The following NFX1 variants were observed in gnomAD, a reference collection of about 807,000 sequenced individuals.
NFX1 encodes the protein transcriptional repressor NF-X1.
NFX1 carries 69 observed loss-of-function variants against 137.2 expected under a neutral mutation model. The ratio of observed to expected loss-of-function variants is 0.50; its 90% CI spans 0.41 to 0.61. NFX1 has a LOEUF of 0.61. Ranked by LOEUF, NFX1 falls within the 20% of genes least tolerant of loss-of-function variation. The probability of loss-of-function intolerance (pLI) is 0.00; values close to 1 mark genes in which losing one functional copy is unlikely to be tolerated. For synonymous variants in NFX1, 495 were observed against 474.1 expected (o/e 1.04, Z -0.57); for missense variants, 1,167 against 1,391.0 (o/e 0.84, Z 2.56).
At chr9:33,358,870 T>G (rs1227054194) in intron 19 of NFX1, among the ~76,000 whole-genome samples, 2 of 150,048 alleles carry the variant, frequency 1.3e-5, no homozygotes, top group East Asian at 2.0e-4. Flanking sequence ...ATTTTTTTGT[T>G]TTTTTTTTGG....
At chr9:33,356,713 G>A (rs1008727627) in intron 19 of NFX1, among the ~76,000 whole-genome samples, 11 of 152,004 alleles carry the variant, frequency 7.2e-5, no homozygotes, top group African/African-American at 2.4e-4. Context: ...TTTTTTCCAC[G>A]TGAATATCCA....
At chr9:33,339,323 A>G (rs980613204) in intron 12 of NFX1, among the ~76,000 whole-genome samples, 3 of 152,208 alleles carry the variant, frequency 2.0e-5, no homozygotes, top group African/African-American at 7.2e-5. Context: ...GTCACTTCTC[A>G]CATGGATAGC....
intron 19 of NFX1, among the ~76,000 whole-genome samples, chr9:33,361,827 T>G (rs369847725): frequency 1.6e-4 from 23 of 147,232 alleles, no homozygotes; most frequent in Non-Finnish European, 3.3e-4. Context: ...AGAGAAACGT[T>G]ATAGTGAAAA....
rs770342678 is a variant in NFX1 at position 33,352,716 on chromosome 9, A to G, written c.2726A>G (p.Gln909Arg). The change falls in exon 17 of 24, where the codon CAA (glutamine) becomes CGA (arginine). Residue 909 changes from glutamine (Q) to arginine (R), a missense_variant. By Grantham distance (43) the Gln-to-Arg change is conservative. Around this residue, in one of 3 missense-constraint regions of NFX1, gnomAD observed 312 missense variants for 312.8 expected, o/e 1.00. Transcript: ENST00000379540. Reference sequence around the variant, plus strand: ...TGCTCTGAAGCATCTAGTACTTATCAAAGGTTAGTGTTACTTAAATGTTAA... The same window carrying G: ...TGCTCTGAAGCATCTAGTACTTATCGAAGGTTAGTGTTACTTAAATGTTAA... ...VICSEASSTY[Q>R]RIAAISMASK... is the part of the protein sequence containing the mutation. 2 of 1,613,320 alleles carry G rather than the reference A, an allele frequency of 1.2e-6. No homozygotes were observed. Among genetic ancestry groups the G allele is most frequent in the African/African-American group, 1.3e-5 (1 of 75,036 alleles).
chr9:33,367,618 A>G lies in NFX1; in HGVS notation c.3289A>G (p.Lys1097Glu). Residue 1097 changes from lysine to glutamate, a missense_variant and splice_region_variant, in exon 23 of 24, where the codon AAG (lysine) becomes GAG (glutamate). Physicochemically the swap from Lys to Glu is moderately conservative, Grantham distance 56 (BLOSUM62 1). This residue lies in a region of NFX1 where 312 missense variants were observed against 312.8 expected (regional missense o/e 1.00). Transcript: ENST00000379540. ...PIPHHRHQSD[K>E]NPGSSNLQKI... is the part of the protein sequence containing the mutation. ...TCCTCATCACAGACATCAGTCAGAC[A>G]AGTAAGATTCTCCAGCTGCTTTCCA... 1 of 1,613,504 alleles carries G rather than the reference A, an allele frequency of 6.2e-7. No individual in the cohort carries two copies. The highest frequency in any genetic ancestry group is 8.5e-7 in the Non-Finnish European group (1 of 1,179,574).
In NFX1 at chr9:33,337,384, T is replaced by C. The variant is rs557312881; in HGVS notation, c.2036-1126T>C. On this transcript the variant is annotated intron_variant, in intron 11 of 23. Transcript: ENST00000379540. ...GTTATATGCAAATATTATACCATTTTGTATAAGAGACTTCAATATCTGTGG... is the reference window on the plus strand; with the variant it reads ...GTTATATGCAAATATTATACCATTTCGTATAAGAGACTTCAATATCTGTGG... 2.0e-5 allele frequency among the ~76,000 whole-genome samples: 3 copies of C among 152,304 alleles called. No individual in the cohort carries two copies. The East Asian group carries it at 5.8e-4, about 29-fold the overall frequency.
chr9:33,349,497 T>C (rs1388729924), intron 15 of NFX1, among the ~76,000 whole-genome samples: 16 of 152,198 alleles, frequency 1.1e-4, no homozygotes, highest in Non-Finnish European at 7.4e-5. Context: ...TCCAGTGCGA[T>C]GGGAAATATG....
chr9:33,353,378 G>C (rs765123405), intron 17 of NFX1, among the ~76,000 whole-genome samples: 3 of 152,144 alleles, frequency 2.0e-5, no homozygotes, highest in Admixed American at 6.6e-5. Context: ...CTGTGTAGCC[G>C]TACAGGGATC....
intron 19 of NFX1, among the ~76,000 whole-genome samples, chr9:33,358,096 G>A (rs1823870127): frequency 6.6e-6 from 1 of 151,822 alleles, no homozygotes; most frequent in African/African-American, 2.4e-5. Context: ...TTTTGATGCT[G>A]CTATAGATGG....
intron 19 of NFX1, among the ~76,000 whole-genome samples, chr9:33,357,107 C>T (rs533377555): frequency 6.6e-6 from 1 of 151,600 alleles, no homozygotes; most frequent in East Asian, 1.9e-4. Flanking sequence ...GTCAGCAGAT[C>T]GAGACCATCC....
At chr9:33,354,049 G>A (rs1417596261) in intron 17 of NFX1, 37 bp from the exon 18 acceptor site, 10 of 1,552,996 alleles carry the variant, frequency 6.4e-6, no homozygotes, top group Non-Finnish European at 7.0e-6. Context: ...TTGTGAAACT[G>A]CAATGCCTCT....
chr9:33,364,290 C>T lies in NFX1; in HGVS notation c.2972+182C>T, dbSNP rs556019675. Among the ~76,000 whole-genome samples, 4 of 152,222 alleles carry T rather than the reference C, an allele frequency of 2.6e-5. 1 individual carries two copies. Among genetic ancestry groups the T allele is most frequent in the African/African-American group, 9.6e-5 (4 of 41,542 alleles). Reference sequence around the variant, plus strand: ...TTCTCTTGGTTTCTCGAAACTGTCCCCTTAAAGAACTGAACTTGGGGTAGG... The same window carrying T: ...TTCTCTTGGTTTCTCGAAACTGTCCTCTTAAAGAACTGAACTTGGGGTAGG... On this transcript the variant is annotated intron_variant, in intron 20 of 23. Coordinates refer to ENST00000379540, the MANE Select transcript of NFX1 (RefSeq NM_002504.6).
intron 5 of NFX1, among the ~76,000 whole-genome samples, 188 bp from the exon 6 acceptor site, chr9:33,310,918 C>T (rs1242555033): frequency 3.3e-5 from 5 of 152,134 alleles, no homozygotes; most frequent in African/African-American, 9.7e-5. Context: ...ATAATGATGT[C>T]GATTTTTTGC....
At chr9:33,325,024 T>C (rs756469051) in intron 9 of NFX1, among the ~76,000 whole-genome samples, 43 of 152,042 alleles carry the variant, frequency 2.8e-4, no homozygotes, top group Non-Finnish European at 4.1e-4. Flanking sequence ...GTGGGACACC[T>C]TTAACTGTAT....
intron 5 of NFX1, among the ~76,000 whole-genome samples, chr9:33,309,727 A>AAG (rs1281330492): frequency 6.6e-6 from 1 of 152,192 alleles, no homozygotes; most frequent in Non-Finnish European, 1.5e-5. Context: ...TCCTGGGCTC[A>AAG]AGCGATCCTC....
chr9:33,320,679 A>C (rs763583671), intron 9 of NFX1, among the ~76,000 whole-genome samples: 1 of 152,224 alleles, frequency 6.6e-6, no homozygotes, highest in African/African-American at 2.4e-5. Flanking sequence ...CAGTTTTGCA[A>C]TGACTTGGCA....
intron 4 of NFX1, among the ~76,000 whole-genome samples, chr9:33,304,083 A>G (rs1821670744): frequency 6.6e-6 from 1 of 152,210 alleles, no homozygotes; most frequent in African/African-American, 2.4e-5. Context: ...CCTGGCCAAC[A>G]TGGTGAAACC....
intron 1 of NFX1, among the ~76,000 whole-genome samples, chr9:33,293,916 A>G (rs1428342280): frequency 6.6e-6 from 1 of 152,246 alleles, no homozygotes; most frequent in Admixed American, 6.5e-5. Flanking sequence ...GTCATCCTTT[A>G]CCATAGACAA....
At chr9:33,307,685 A>T (rs1454046533) in intron 5 of NFX1, among the ~76,000 whole-genome samples, 4 of 152,166 alleles carry the variant, frequency 2.6e-5, no homozygotes, top group African/African-American at 9.6e-5. Flanking sequence ...ATCCAGGTCC[A>T]AGAGAATGTA....
Sources: gnomAD v4.1 joint callset for allele counts (sites outside exome capture counted in the v4.1 genomes callset) on GRCh38, gnomAD v4.1.1 for gene constraint, gnomAD v4.1.1 regional missense constraint, MANE v1.5 for transcripts, NCBI Gene and HGNC (gene_info 2026-07-23, HGNC 2026-07-21) for gene names.